KYNU: variants seen among roughly 807,000 people sequenced by gnomAD.
The protein encoded by KYNU is kynureninase.
In KYNU, 54 loss-of-function variants were observed where a neutral mutation model predicts 59.2. The ratio of observed to expected loss-of-function variants is 0.91; its 90% confidence interval spans 0.73 to 1.14. The LOEUF is 1.14. KYNU is among the 50% of genes most tolerant of loss of function. The probability of loss-of-function intolerance (pLI) is 0.00; values close to 1 mark genes in which losing one functional copy is unlikely to be tolerated. For missense variants in KYNU, 567 were observed against 554.4 expected, an observed-to-expected ratio of 1.02 and a Z score of -0.23; for synonymous variants, 177 against 192.0, an observed-to-expected ratio of 0.92 and a Z score of 0.65.
At chr2:143,033,920 A>T (rs1359944084) in intron 12 of KYNU, among the ~76,000 whole-genome samples, 1 of 152,134 alleles carries the variant, frequency 6.6e-6, no homozygotes, top group African/African-American at 2.4e-5. Context: ...TGGGACTTCT[A>T]TGCCATTATG....
intron 4 of KYNU, among the ~76,000 whole-genome samples, chr2:142,928,986 C>G (rs543235997): frequency 8.4e-6 from 1 of 119,590 alleles, no homozygotes; most frequent in African/African-American, 3.3e-5. Context: ...TCAGCCTGGA[C>G]GACAGGGTGA....
intron 1 of KYNU, among the ~76,000 whole-genome samples, chr2:142,883,320 G>T (rs550628914): frequency 1.4e-5 from 2 of 147,930 alleles, no homozygotes; most frequent in Non-Finnish European, 3.0e-5. Flanking sequence ...TCAGCTTCCC[G>T]AGTAGCTGGG....
At chr2:143,005,483 A>G (rs1387218126) in intron 10 of KYNU, among the ~76,000 whole-genome samples, 1 of 152,152 alleles carries the variant, frequency 6.6e-6, no homozygotes, top group African/African-American at 2.4e-5. Flanking sequence ...TCACATGTGC[A>G]TCTATAATAG....
chr2:142,999,218 A>G (rs1314344691), intron 10 of KYNU, among the ~76,000 whole-genome samples: 2 of 152,100 alleles, frequency 1.3e-5, no homozygotes, highest in Non-Finnish European at 2.9e-5. Context: ...GTCTATATCT[A>G]CATTTGGACT....
chr2:142,937,713 A>G (rs902957378), intron 4 of KYNU, among the ~76,000 whole-genome samples: 1 of 152,186 alleles, frequency 6.6e-6, no homozygotes, highest in South Asian at 2.1e-4. Context: ...TTAATTTAAC[A>G]TGGTTTGAAC....
chr2:142,945,263 C>T (rs1318451761), intron 4 of KYNU, among the ~76,000 whole-genome samples: 2 of 152,218 alleles, frequency 1.3e-5, no homozygotes, highest in Admixed American at 1.3e-4. Context: ...TGAAGCAATC[C>T]TCTGAAATCC....
chr2:142,920,185 AGAAT>A (rs1463807264), intron 3 of KYNU, among the ~76,000 whole-genome samples: 2 of 152,236 alleles, frequency 1.3e-5, no homozygotes, highest in African/African-American at 2.4e-5. Context: ...ACTTGATGTA[AGAAT>A]GATAGTTTAT....
chr2:143,006,274 C>T (rs378948), intron 10 of KYNU, among the ~76,000 whole-genome samples: 18,537 of 151,622 alleles, frequency 0.12, 1,291 homozygotes, highest in East Asian at 0.24. Flanking sequence ...GTTCCCTTTC[C>T]GAGTCAAAGA....
chr2:142,945,675 G>C (rs351690), intron 4 of KYNU, among the ~76,000 whole-genome samples: 84,606 of 151,836 alleles, frequency 0.56, 24,597 homozygotes, highest in African/African-American at 0.71. Context: ...TGACTTTGCA[G>C]AGATCCATCA....
chr2:143,040,783 T>C, intron 13 of KYNU, 125 bp downstream of exon 13: 1 of 648,690 alleles, frequency 1.5e-6, no homozygotes, highest in Non-Finnish European at 2.7e-6. Context: ...TAAGGATAAA[T>C]TAAGTGCCAA....
chr2:142,940,964 C>T (rs1013890181), intron 4 of KYNU, among the ~76,000 whole-genome samples: 7 of 152,188 alleles, frequency 4.6e-5, no homozygotes, highest in African/African-American at 1.7e-4. Flanking sequence ...ATGCATAGGG[C>T]ATGGAAATGA....
chr2:143,027,950 T>C, intron 10 of KYNU, among the ~76,000 whole-genome samples: 1 of 152,160 alleles, frequency 6.6e-6, no homozygotes, highest in East Asian at 1.9e-4. Flanking sequence ...ATAAAGCATA[T>C]AAGATACTAT....
At chr2:142,963,317 C>T (rs1010776445) in intron 8 of KYNU, among the ~76,000 whole-genome samples, 4 of 152,180 alleles carry the variant, frequency 2.6e-5, no homozygotes, top group Admixed American at 1.3e-4. Context: ...CTGTTACCTT[C>T]TGTCTCTGTC....
At chr2:143,034,804 G>A (rs889680361) in intron 12 of KYNU, among the ~76,000 whole-genome samples, 10 of 152,276 alleles carry the variant, frequency 6.6e-5, no homozygotes, top group African/African-American at 2.4e-4. Context: ...TTGCAAGTTT[G>A]TATCAGCGAG....
intron 8 of KYNU, chr2:142,967,542 A>C (rs1347615127): frequency 1.3e-5 from 2 of 152,186 alleles, no homozygotes; most frequent in Non-Finnish European, 2.9e-5. Flanking sequence ...CTGGATCCAG[A>C]ATAATTTAAG....
intron 10 of KYNU, among the ~76,000 whole-genome samples, chr2:143,023,000 C>T (rs1261630180): frequency 1.3e-5 from 2 of 151,370 alleles, no homozygotes; most frequent in African/African-American, 2.4e-5. Context: ...AATTGCATAC[C>T]GCTGCTTTAT....
chr2:142,929,649 G>A (rs1427124692), intron 4 of KYNU, among the ~76,000 whole-genome samples: 1 of 152,074 alleles, frequency 6.6e-6, no homozygotes, highest in Non-Finnish European at 1.5e-5. Flanking sequence ...GGAGAGGAGG[G>A]GACAGGCGCA....
Position 143,048,282 on chromosome 2 carries a change from G to A in KYNU, c.*6110G>A, listed in dbSNP as rs1014421140. The A allele has an allele frequency of 3.3e-5, 5 of 151,972 alleles. No individual in the cohort carries two copies. In the South Asian group the frequency reaches 1.0e-3, roughly 32 times the overall value. The allele number at this position is 151,972 out of a possible 1,614,324, so 9.4% of individuals were successfully genotyped here. On this transcript the variant is annotated 3_prime_UTR_variant, in exon 14 of 14. Transcript: ENST00000264170. ...TATACACTTATTCTTTGTTATTTTA[G>A]CAATTACTCTGGCTATTTTAACATG...
intron 2 of KYNU, among the ~76,000 whole-genome samples, chr2:142,908,562 A>G (rs984937910): frequency 6.6e-6 from 1 of 152,220 alleles, no homozygotes. Context: ...TTTTGACTCA[A>G]ACCCAGGCAC....
Sources: allele counts gnomAD v4.1 joint callset (sites outside exome capture counted in the v4.1 genomes callset), GRCh38; gene constraint gnomAD v4.1.1; transcripts MANE v1.5; gene names NCBI Gene and HGNC (gene_info 2026-07-23, HGNC 2026-07-21).